The following RPH3AL variants were observed in gnomAD, a reference collection of about 807,000 sequenced individuals.
RPH3AL encodes rabphilin 3A like (without C2 domains).
A neutral mutation model predicts 43.1 loss-of-function variants in RPH3AL; 38 were observed. The observed-to-expected ratio is 0.88, with a 90% CI of 0.68 to 1.15. The LOEUF (loss-of-function observed/expected upper bound fraction) is 1.15. RPH3AL is among the 50% of genes most tolerant of loss of function. RPH3AL has a pLI of 0.00. For missense variants in RPH3AL, 462 were observed against 423.2 expected, an observed-to-expected ratio of 1.09 and a Z score of -0.81; for synonymous variants, 189 against 176.3, an observed-to-expected ratio of 1.07 and a Z score of -0.57.
At chr17:317,781 C>G (rs1345071240) in intron 5 of RPH3AL, among the ~76,000 whole-genome samples, 1 of 152,196 alleles carries the variant, frequency 6.6e-6, no homozygotes, top group Non-Finnish European at 1.5e-5. Flanking sequence ...CTTTGGTTTT[C>G]TCATCCAGCT....
Position 296,176 on chromosome 17 carries a change from G to A in RPH3AL, c.352-14322C>T, listed in dbSNP as rs1247575840. Among the ~76,000 whole-genome samples the A allele has an allele frequency of 2.3e-5, 3 of 127,874 alleles. 1 individual carries two copies. Among genetic ancestry groups the A allele is most frequent in the African/African-American group, 9.0e-5 (3 of 33,302 alleles). The allele number at this position is 127,874 out of a possible 152,430, so 83.9% of individuals were successfully genotyped here. A position where few individuals can be genotyped will look rare whatever the true frequency, so the allele number is the denominator to read the frequency against. Reference sequence around the variant, plus strand: ...GGACAGAGGAGCTGCAGACATGAACGGGCAGAGGGAATGCACATCGGTGTG... The same window carrying A: ...GGACAGAGGAGCTGCAGACATGAACAGGCAGAGGGAATGCACATCGGTGTG... On this transcript the variant is annotated intron_variant, in intron 5 of 9. Coordinates refer to ENST00000331302, the MANE Select transcript of RPH3AL (RefSeq NM_006987.4).
At chr17:238,500 G>A (rs1196650623) in intron 7 of RPH3AL, among the ~76,000 whole-genome samples, 3 of 152,164 alleles carry the variant, frequency 2.0e-5, no homozygotes, top group African/African-American at 4.8e-5. Flanking sequence ...GCTTCCGCGC[G>A]TAGTGACTCC....
Position 230,025 on chromosome 17 carries a change from G to A in RPH3AL, c.614-10289C>T, listed in dbSNP as rs113959861. Among the ~76,000 whole-genome samples, 668 of 152,230 alleles carry A rather than the reference G, an allele frequency of 4.4e-3. 5 individuals are homozygous for A. The highest frequency in any genetic ancestry group is 0.02 in the Middle Eastern group (6 of 294). On this transcript the variant is annotated intron_variant, in intron 7 of 9. Transcript: ENST00000331302. ...TGACAGCCACAGGACTACCTCAGAG[G>A]GCTGGAGAGGACATGGTACCTGGGG...
intron 5 of RPH3AL, among the ~76,000 whole-genome samples, chr17:304,245 A>G (rs934008609): frequency 5.9e-5 from 9 of 151,974 alleles, no homozygotes; most frequent in Non-Finnish European, 1.3e-4. Context: ...AGAGTTTATC[A>G]CATACTTTCC....
At chr17:316,538 A>C (rs1236089554) in intron 5 of RPH3AL, among the ~76,000 whole-genome samples, 80 of 13,230 alleles carry the variant, frequency 6.0e-3, no homozygotes, top group East Asian at 0.011. Flanking sequence ...AGTCCCTGTG[A>C]CTCCACCTCC....
In RPH3AL at chr17:264,201, C is replaced by T. The variant is rs1488051151; in HGVS notation, c.439-16916G>A. Reference sequence around the variant, plus strand: ...CTAGCATTGTTTTCTGCCGGAAATGCCATCTGTCACTCAAACCCGAATAGA... The same window carrying T: ...CTAGCATTGTTTTCTGCCGGAAATGTCATCTGTCACTCAAACCCGAATAGA... On this transcript the variant is annotated intron_variant, in intron 6 of 9. Transcript: ENST00000331302. This position sits in a 1 kb window ranked among gnomAD's most constrained non-coding sequence, Gnocchi z 4.8. Among the ~76,000 whole-genome samples, 1 of 152,218 alleles carries T rather than the reference C, an allele frequency of 6.6e-6. No individual in the cohort carries two copies. Among genetic ancestry groups the T allele is most frequent in the Non-Finnish European group, 1.5e-5 (1 of 68,046 alleles).
chr17:285,301 T>G (rs1207971713), intron 5 of RPH3AL, among the ~76,000 whole-genome samples: 4 of 152,092 alleles, frequency 2.6e-5, no homozygotes, highest in South Asian at 2.1e-4. Context: ...CGCACAGGTT[T>G]GGGGATGGCA....
chr17:283,663 T>A lies in RPH3AL; in HGVS notation c.352-1809A>T, dbSNP rs2042837247. On this transcript the variant is annotated intron_variant, in intron 5 of 9. Transcript: ENST00000331302. This position sits in a 1 kb window ranked among gnomAD's most constrained non-coding sequence, Gnocchi z 4.2. ...TGCTTCCCAAGCTCTCATGACCCCA[T>A]GAGAGGGAGTGGGAGCATGTGGTCA... is the stretch of plus-strand genomic sequence containing the variant. 6.6e-6 allele frequency among the ~76,000 whole-genome samples: 1 copy of A among 151,944 alleles called. No individual in the cohort carries two copies.
rs2041089614 is a variant in RPH3AL, at chr17:225,584, T to C, written c.614-5848A>G. Among the ~76,000 whole-genome samples, 1 of 152,170 alleles carries C rather than the reference T, an allele frequency of 6.6e-6. No homozygotes were observed. The highest frequency in any genetic ancestry group is 2.4e-5 in the African/African-American group (1 of 41,448). On this transcript the variant is annotated intron_variant, in intron 7 of 9. Transcript: ENST00000331302. The surrounding 1 kb of genome is among the most constrained non-coding windows in gnomAD (Gnocchi z 4.4). Reference sequence around the variant, plus strand: ...GGCAGCTACAGTGAAATTAGAGGCCTGTGGCTCACACTTCCCGGGAGCAGG... The same window carrying C: ...GGCAGCTACAGTGAAATTAGAGGCCCGTGGCTCACACTTCCCGGGAGCAGG...
intron 7 of RPH3AL, among the ~76,000 whole-genome samples, chr17:238,803 G>A (rs2041462299): frequency 6.6e-6 from 1 of 152,152 alleles, no homozygotes; most frequent in South Asian, 2.1e-4. Flanking sequence ...GAAGCCTGTG[G>A]AGGGGATGAA....
At chr17:321,034 A>C (rs1567520740) in intron 4 of RPH3AL, among the ~76,000 whole-genome samples, 1 of 152,140 alleles carries the variant, frequency 6.6e-6, no homozygotes, top group Non-Finnish European at 1.5e-5. Flanking sequence ...CATGGGGCGC[A>C]CAGCTCAGCT....
intron 1 of RPH3AL, chr17:338,456 CAAA>C (rs10578983): frequency 0.96 from 140,788 of 146,000 alleles, 67,974 homozygotes; most frequent in Non-Finnish European, 0.99. Context: ...GACCCTGTCT[CAAA>C]AAAAAAAAAA....
rs1039961323 is a variant in RPH3AL, at chr17:322,936, G to T, written c.78-1521C>A. 3.9e-5 allele frequency among the ~76,000 whole-genome samples: 6 copies of T among 152,158 alleles called. No homozygotes were observed. Among genetic ancestry groups the T allele is most frequent in the Admixed American group, 3.3e-4 (5 of 15,278 alleles). ...GTCCCTTCCCAGATGCGAGACCTCG[G>T]ATGAGGCTCTCACCCTTGGTTTTCT... On this transcript the variant is annotated intron_variant, in intron 3 of 9. Transcript: ENST00000331302. This position sits in a 1 kb window ranked among gnomAD's most constrained non-coding sequence, Gnocchi z 4.0.
intron 7 of RPH3AL, among the ~76,000 whole-genome samples, chr17:221,704 A>G (rs369701932): frequency 2.3e-5 from 3 of 130,740 alleles, no homozygotes; most frequent in Non-Finnish European, 3.3e-5. Context: ...GAGACAATAG[A>G]CCCAAGCACA....
intron 6 of RPH3AL, among the ~76,000 whole-genome samples, chr17:271,207 C>T (rs1337494530): frequency 6.6e-6 from 1 of 152,118 alleles, no homozygotes; most frequent in African/African-American, 2.4e-5. Context: ...AATCAGGTAG[C>T]GTGATGCCTC....
At chr17:321,629 C>T (rs2044480152) in intron 3 of RPH3AL, 1 of 504,980 alleles carries the variant, frequency 2.0e-6, no homozygotes, top group Non-Finnish European at 3.4e-6. Context: ...AGAGACGGCC[C>T]AGGTTCCGTG....
chr17:345,528 C>T (rs1262771947), intron 1 of RPH3AL, among the ~76,000 whole-genome samples: 1 of 134,952 alleles, frequency 7.4e-6, no homozygotes, highest in Non-Finnish European at 1.7e-5. Flanking sequence ...CAGAAACAGC[C>T]ACCCAGGACT....
intron 6 of RPH3AL, among the ~76,000 whole-genome samples, chr17:275,932 G>A (rs1415790954): frequency 6.6e-6 from 1 of 152,234 alleles, no homozygotes. Flanking sequence ...AGGGACTAGA[G>A]TGTGCCAGTC....
At chr17:279,281 C>G (rs1292600339) in intron 6 of RPH3AL, among the ~76,000 whole-genome samples, 1 of 152,106 alleles carries the variant, frequency 6.6e-6, no homozygotes, top group Non-Finnish European at 1.5e-5. Context: ...CCACAGGTAC[C>G]CAGGCTCATA....
Sources: gnomAD v4.1 joint callset for allele counts (sites outside exome capture counted in the v4.1 genomes callset) on GRCh38, gnomAD v4.1.1 for gene constraint, Gnocchi (gnomAD v3.1) non-coding constraint, MANE v1.5 for transcripts, NCBI Gene and HGNC (gene_info 2026-07-23, HGNC 2026-07-21) for gene names.